The following GPC3 variants were observed in gnomAD, a reference collection of about 807,000 sequenced individuals.
GPC3 encodes glypican-3.
Under a neutral mutation model 34.4 loss-of-function variants are expected in GPC3, and 3 were observed. The ratio of observed to expected loss-of-function variants is 0.09; its 90% CI spans 0.04 to 0.23. GPC3 has a LOEUF of 0.23. Ranked by LOEUF, GPC3 falls within the 10% of genes least tolerant of loss-of-function variation. The pLI, the probability that GPC3 is intolerant of heterozygous loss-of-function variation, is 1.00. For synonymous variants in GPC3, 177 were observed against 174.0 expected, an observed-to-expected ratio of 1.02 and a Z score of -0.13; for missense variants, 351 against 445.6, an observed-to-expected ratio of 0.79 and a Z score of 1.91.
At chrX:133,564,178 T>C (rs145132561) in intron 7 of GPC3, among the ~76,000 whole-genome samples, 340 of 111,604 alleles carry the variant, frequency 3.0e-3, no homozygotes, top group Admixed American at 9.5e-3. Context: ...CCAAGAAGCA[T>C]TGTTATGCTT....
In GPC3 at chrX:133,701,921, T is replaced by C. The variant is rs1322493668; in HGVS notation, c.1033-1893A>G. ...AAAAGATAGCATCTATAGTTTGATATTCAGATGAGCTATACTCAATAGTTT... is the reference window on the plus strand; with the variant it reads ...AAAAGATAGCATCTATAGTTTGATACTCAGATGAGCTATACTCAATAGTTT... On this transcript the variant is annotated intron_variant, in intron 3 of 7. Coordinates refer to ENST00000370818, the MANE Select transcript of GPC3 (RefSeq NM_004484.4). Among the ~76,000 whole-genome samples the C allele has an allele frequency of 3.6e-5, 4 of 112,548 alleles. No homozygotes were observed. The Admixed American group carries it at 3.8e-4, about 11-fold the overall frequency.
intron 2 of GPC3, among the ~76,000 whole-genome samples, chrX:133,908,413 C>A (rs755981485): frequency 5.5e-4 from 61 of 111,124 alleles, no homozygotes; most frequent in Admixed American, 9.6e-4. Flanking sequence ...AGAGCCCCTA[C>A]CCTGCCCTAA....
rs181256236 is a variant in GPC3 at position 133,926,770 on chromosome X, A to T, written c.337+26280T>A. On this transcript the variant is annotated intron_variant, in intron 2 of 7. Transcript: ENST00000370818. Reference sequence around the variant, plus strand: ...AAGTGTTTGAGGCATCTAACCAAAAATACCGTCCCCCCTCCGCCCCCCTGC... The same window carrying T: ...AAGTGTTTGAGGCATCTAACCAAAATTACCGTCCCCCCTCCGCCCCCCTGC... Among the ~76,000 whole-genome samples, 5 of 110,901 alleles carry T rather than the reference A, an allele frequency of 4.5e-5. No individual in the cohort carries two copies. The Admixed American group carries it at 4.8e-4, about 11-fold the overall frequency.
intron 5 of GPC3, among the ~76,000 whole-genome samples, chrX:133,683,888 G>A (rs1012111846): frequency 8.9e-6 from 1 of 111,902 alleles, no homozygotes; most frequent in African/African-American, 3.3e-5. Flanking sequence ...ATAAATCGCT[G>A]CTGAAAAATA....
intron 7 of GPC3, among the ~76,000 whole-genome samples, chrX:133,593,938 T>C (rs770895938): frequency 1.3e-4 from 14 of 109,770 alleles, no homozygotes; most frequent in South Asian, 4.0e-4. Context: ...CTACCAAAAA[T>C]ACAAAAAACT....
intron 2 of GPC3, among the ~76,000 whole-genome samples, chrX:133,817,204 C>T (rs2075696295): frequency 9.0e-6 from 1 of 111,404 alleles, no homozygotes; most frequent in Admixed American, 9.6e-5. Flanking sequence ...ATTTATCCCT[C>T]CTCTCTTCTT....
chrX:133,951,425 G>T (rs756669527), intron 2 of GPC3, among the ~76,000 whole-genome samples: 8 of 110,765 alleles, frequency 7.2e-5, no homozygotes, highest in African/African-American at 2.6e-4. Context: ...ACCAGACAAG[G>T]ATTGTAAGGT....
intron 6 of GPC3, among the ~76,000 whole-genome samples, chrX:133,633,868 A>T (rs1488798234): frequency 8.9e-6 from 1 of 111,949 alleles, no homozygotes. Flanking sequence ...CTTGCTCAAA[A>T]CAGTACAAAC....
At chrX:133,930,925 C>T (rs1305093393) in intron 2 of GPC3, among the ~76,000 whole-genome samples, 1 of 112,308 alleles carries the variant, frequency 8.9e-6, no homozygotes, top group Non-Finnish European at 1.9e-5. Flanking sequence ...CATGAGCCAC[C>T]GTGCCCGGCC....
At chrX:133,781,228 A>G (rs2072041572) in intron 2 of GPC3, among the ~76,000 whole-genome samples, 1 of 112,309 alleles carries the variant, frequency 8.9e-6, no homozygotes. Context: ...AGGAAATCTC[A>G]GTCTCATTTC....
At chrX:133,716,543 A>T (rs186961851) in intron 3 of GPC3, among the ~76,000 whole-genome samples, 89 of 112,427 alleles carry the variant, frequency 7.9e-4, no homozygotes, top group Admixed American at 6.3e-3. Flanking sequence ...TTAAAAGTTC[A>T]TTAATGGGGC....
intron 2 of GPC3, among the ~76,000 whole-genome samples, chrX:133,787,825 C>T (rs1333302198): frequency 9.1e-6 from 1 of 109,762 alleles, no homozygotes; most frequent in South Asian, 3.9e-4. Context: ...TTCTGAGCAT[C>T]CCATAGTTCA....
intron 2 of GPC3, among the ~76,000 whole-genome samples, chrX:133,848,851 A>T (rs2075858300): frequency 9.0e-6 from 1 of 110,688 alleles, no homozygotes; most frequent in African/African-American, 3.3e-5. Flanking sequence ...AGGTTTAGAG[A>T]AAAAGAAAGA....
At chrX:133,912,332 A>G (rs1603271112) in intron 2 of GPC3, among the ~76,000 whole-genome samples, 1 of 112,223 alleles carries the variant, frequency 8.9e-6, no homozygotes, top group Admixed American at 9.4e-5. Flanking sequence ...TGAAGAAAGC[A>G]CAGCTAAATC....
intron 2 of GPC3, among the ~76,000 whole-genome samples, chrX:133,776,390 A>G (rs1229038984): frequency 9.0e-6 from 1 of 111,009 alleles, no homozygotes; most frequent in Non-Finnish European, 1.9e-5. Context: ...ATAGATCCAC[A>G]GTGAGGCCTG....
chrX:133,734,535 G>A (rs904763928), intron 3 of GPC3, among the ~76,000 whole-genome samples: 3 of 107,603 alleles, frequency 2.8e-5, no homozygotes, highest in African/African-American at 1.0e-4. Flanking sequence ...GGAGGTTCAA[G>A]CCAGAGCAAT....
At chrX:133,817,000 T>C (rs997570906) in intron 2 of GPC3, among the ~76,000 whole-genome samples, 4 of 112,093 alleles carry the variant, frequency 3.6e-5, no homozygotes, top group African/African-American at 1.3e-4. Flanking sequence ...CAGTTTTCCA[T>C]TGCACAGTTT....
chrX:133,641,242 G>A (rs755059279), intron 6 of GPC3, among the ~76,000 whole-genome samples: 2 of 110,795 alleles, frequency 1.8e-5, no homozygotes, highest in South Asian at 3.9e-4. Flanking sequence ...TTGGGAGGCC[G>A]AGGCAGGCGC....
intron 2 of GPC3, among the ~76,000 whole-genome samples, chrX:133,802,237 C>G (rs1180331977): frequency 9.0e-6 from 1 of 111,346 alleles, no homozygotes; most frequent in Non-Finnish European, 1.9e-5. Context: ...AATGCAAAAG[C>G]CCTCTATCAT....
Sources: allele counts gnomAD v4.1 joint callset (sites outside exome capture counted in the v4.1 genomes callset), GRCh38; gene constraint gnomAD v4.1.1; transcripts MANE v1.5; gene names NCBI Gene and HGNC (gene_info 2026-07-23, HGNC 2026-07-21).